Variants in DLG2 observed in about 807,000 individuals in gnomAD.
DLG2 encodes discs large MAGUK scaffold protein 2.
A neutral mutation model predicts 132.5 loss-of-function variants in DLG2; 45 were observed. The ratio of observed to expected loss-of-function variants is 0.34; its 90% CI spans 0.27 to 0.44. DLG2 has a LOEUF of 0.44. DLG2 is among the 20% of genes least tolerant of loss of function. The pLI, the probability that DLG2 is intolerant of heterozygous loss-of-function variation, is 1.00. For missense variants in DLG2, 1,045 were observed against 1,196.9 expected, an observed-to-expected ratio of 0.87 and a Z score of 1.87; for synonymous variants, 424 against 419.6, an observed-to-expected ratio of 1.01 and a Z score of -0.13.
chr11:84,246,583 G>A (rs2097305147), intron 8 of DLG2, among the ~76,000 whole-genome samples: 1 of 152,214 alleles, frequency 6.6e-6, no homozygotes, highest in Non-Finnish European at 1.5e-5. Flanking sequence ...TGATGAAGCT[G>A]CTAAGATCTA....
chr11:85,241,520 G>T (rs2075876440), intron 4 of DLG2, among the ~76,000 whole-genome samples: 1 of 151,746 alleles, frequency 6.6e-6, no homozygotes, highest in South Asian at 2.1e-4. Flanking sequence ...ACATTAATGG[G>T]GTATGTGTGT....
At chr11:85,180,103 G>A (rs1234395803) in intron 4 of DLG2, among the ~76,000 whole-genome samples, 4 of 151,790 alleles carry the variant, frequency 2.6e-5, no homozygotes, top group Non-Finnish European at 5.9e-5. Context: ...TCTAGAAGAA[G>A]CTTTATGGAT....
chr11:84,163,157 C>T (rs928838852), intron 9 of DLG2, among the ~76,000 whole-genome samples: 1 of 152,032 alleles, frequency 6.6e-6, no homozygotes, highest in Non-Finnish European at 1.5e-5. Context: ...TAATGTATAG[C>T]CAAAACACTA....
intron 6 of DLG2, among the ~76,000 whole-genome samples, chr11:84,906,325 A>G (rs146937280): frequency 2.0e-3 from 297 of 151,064 alleles, no homozygotes; most frequent in African/African-American, 6.8e-3. Flanking sequence ...TGTGTGTGAC[A>G]GGGAAAAAAG....
At chr11:85,161,868 T>C (rs1014284301) in intron 4 of DLG2, among the ~76,000 whole-genome samples, 2 of 152,196 alleles carry the variant, frequency 1.3e-5, no homozygotes, top group Non-Finnish European at 2.9e-5. Context: ...ATCCAATGTA[T>C]GCTACTATTT....
intron 6 of DLG2, among the ~76,000 whole-genome samples, chr11:85,027,328 A>T (rs1037915704): frequency 1.3e-5 from 2 of 151,828 alleles, no homozygotes; most frequent in Admixed American, 1.3e-4. Flanking sequence ...GGGTTATTCG[A>T]TTTTTTTTGT....
At chr11:83,522,749 T>C (rs1425772221) in intron 21 of DLG2, among the ~76,000 whole-genome samples, 1 of 151,988 alleles carries the variant, frequency 6.6e-6, no homozygotes, top group Non-Finnish European at 1.5e-5. Context: ...AGAGAAGCTA[T>C]TTGCTCCAGG....
At chr11:83,863,314 G>C (rs760987164) in intron 16 of DLG2, among the ~76,000 whole-genome samples, 1 of 152,044 alleles carries the variant, frequency 6.6e-6, no homozygotes, top group Non-Finnish European at 1.5e-5. Context: ...AATCAGTTTT[G>C]GGGGGTGTAG....
intron 7 of DLG2, among the ~76,000 whole-genome samples, chr11:84,373,273 A>AAAAAAAAAAAAAC (rs2098716077): frequency 6.8e-6 from 1 of 147,776 alleles, no homozygotes. Context: ...AACAAAACAA[A>AAAAAAAAAAAAAC]AAAAAAACCC....
At chr11:85,536,033 T>C (rs2075556187) in intron 3 of DLG2, among the ~76,000 whole-genome samples, 1 of 151,656 alleles carries the variant, frequency 6.6e-6, no homozygotes, top group Non-Finnish European at 1.5e-5. Context: ...CTGGGCAACA[T>C]GGTGAAACCC....
At chr11:84,020,967 T>C (rs1035152307) in intron 11 of DLG2, among the ~76,000 whole-genome samples, 3 of 152,178 alleles carry the variant, frequency 2.0e-5, no homozygotes, top group Admixed American at 6.5e-5. Context: ...CCACACACTT[T>C]CTTCCTAAAT....
At chr11:84,182,123 T>A (rs1291283099) in intron 8 of DLG2, among the ~76,000 whole-genome samples, 1 of 152,150 alleles carries the variant, frequency 6.6e-6, no homozygotes, top group South Asian at 2.1e-4. Context: ...GACCAAATTC[T>A]AAGCCATAAA....
At chr11:83,971,244 A>G (rs1383176720) in intron 12 of DLG2, among the ~76,000 whole-genome samples, 1 of 152,124 alleles carries the variant, frequency 6.6e-6, no homozygotes, top group East Asian at 1.9e-4. Flanking sequence ...GGTGCACCAC[A>G]CAGACGGGGA....
At chr11:85,084,865 T>G (rs1469508203) in intron 6 of DLG2, among the ~76,000 whole-genome samples, 1 of 152,140 alleles carries the variant, frequency 6.6e-6, no homozygotes, top group Non-Finnish European at 1.5e-5. Flanking sequence ...CAAAACACAT[T>G]TTCATTAGAG....
intron 7 of DLG2, among the ~76,000 whole-genome samples, chr11:84,436,696 C>T (rs998815215): frequency 6.6e-6 from 1 of 152,142 alleles, no homozygotes; most frequent in South Asian, 2.1e-4. Context: ...GACTTACAGG[C>T]CATTTTAATT....
intron 3 of DLG2, among the ~76,000 whole-genome samples, chr11:85,383,861 C>A (rs550436855): frequency 2.0e-5 from 3 of 152,236 alleles, no homozygotes; most frequent in East Asian, 3.9e-4. Flanking sequence ...CAAGTTAGAT[C>A]CTTTCTGTGC....
At chr11:84,524,041 T>A (rs979687311) in intron 7 of DLG2, among the ~76,000 whole-genome samples, 3 of 152,132 alleles carry the variant, frequency 2.0e-5, no homozygotes, top group Admixed American at 1.3e-4. Flanking sequence ...TTGGGCCACA[T>A]TGGAAGAAGA....
chr11:84,589,401 T>C (rs1004089034), intron 6 of DLG2, among the ~76,000 whole-genome samples: 18 of 152,020 alleles, frequency 1.2e-4, no homozygotes, highest in Admixed American at 1.2e-3. Context: ...TCCATGAAAA[T>C]CAGTGTAAGG....
intron 3 of DLG2, among the ~76,000 whole-genome samples, chr11:85,490,479 T>C (rs1316597500): frequency 6.6e-6 from 1 of 151,574 alleles, no homozygotes; most frequent in Non-Finnish European, 1.5e-5. Context: ...CAAAAAAATC[T>C]TAATAATATA....
Sources: gnomAD v4.1 joint callset for allele counts (sites outside exome capture counted in the v4.1 genomes callset) on GRCh38, gnomAD v4.1.1 for gene constraint, MANE v1.5 for transcripts, NCBI Gene and HGNC (gene_info 2026-07-23, HGNC 2026-07-21) for gene names.